The following ZNF280C variants were observed in gnomAD, a reference collection of about 807,000 sequenced individuals.
ZNF280C encodes the protein zinc finger protein 280C.
A neutral mutation model predicts 53.6 loss-of-function variants in ZNF280C; 14 were observed. That is an observed-to-expected ratio of 0.26 (90% confidence interval 0.17 to 0.41). The LOEUF (loss-of-function observed/expected upper bound fraction) is 0.41, where lower values mean the gene tolerates loss of function less well. ZNF280C is among the 10% of genes least tolerant of loss of function. ZNF280C has a pLI of 1.00. For synonymous variants in ZNF280C, 203 were observed against 181.1 expected, an observed-to-expected ratio of 1.12 and a Z score of -0.97; for missense variants, 416 against 547.1, an observed-to-expected ratio of 0.76 and a Z score of 2.39.
intron 1 of ZNF280C, among the ~76,000 whole-genome samples, chrX:130,262,993 A>T (rs1197367803): frequency 8.9e-6 from 1 of 112,719 alleles, no homozygotes; most frequent in African/African-American, 3.2e-5. Flanking sequence ...ACAATAAAAA[A>T]ACATTTAAAT....
At position 130,247,154 on chromosome X, in the gene ZNF280C, C is replaced by T. The variant is rs2032458828; in HGVS notation, c.32-149G>A. On this transcript the variant is annotated intron_variant, in intron 2 of 18. Coordinates refer to ENST00000370978, the MANE Select transcript of ZNF280C (RefSeq NM_017666.5). ...TGTTTGTTTTTGTGACAGAGTTTTG[C>T]TTTTGTTGCCCAGGCGTGATCTCGG... 1.1e-5 allele frequency: 7 copies of T among 612,718 alleles called. 1 individual carries two copies. Among genetic ancestry groups the T allele is most frequent in the Non-Finnish European group, 1.7e-5 (7 of 416,328 alleles). The allele number at this position is 612,718 out of a possible 1,213,427, so 50.5% of individuals were successfully genotyped here.
At chrX:130,234,013 A>G (rs2032306518) in intron 8 of ZNF280C, among the ~76,000 whole-genome samples, 1 of 111,785 alleles carries the variant, frequency 8.9e-6, no homozygotes, top group African/African-American at 3.2e-5. Context: ...AGCATAACAA[A>G]GCATTGTGAC....
chrX:130,247,500 C>T (rs929667963), intron 2 of ZNF280C, among the ~76,000 whole-genome samples: 1 of 111,744 alleles, frequency 8.9e-6, no homozygotes, highest in Non-Finnish European at 1.9e-5. Context: ...GCGGCCATCT[C>T]TGCCTTGTAA....
chrX:130,213,790 A>T, intron 15 of ZNF280C, among the ~76,000 whole-genome samples: 1 of 111,985 alleles, frequency 8.9e-6, no homozygotes, highest in Admixed American at 9.5e-5. Flanking sequence ...CTAAAGAAGT[A>T]AAGGTATCAT....
chrX:130,205,232 G>A (rs1274857096), intron 17 of ZNF280C, 65 bp downstream of exon 17: 14 of 1,096,836 alleles, frequency 1.3e-5, no homozygotes, highest in South Asian at 1.2e-4. Context: ...GGTCCATATG[G>A]TGTCCGATCA....
At chrX:130,228,535 G>A (rs1460310108) in intron 10 of ZNF280C, among the ~76,000 whole-genome samples, 3 of 109,922 alleles carry the variant, frequency 2.7e-5, no homozygotes, top group Non-Finnish European at 5.7e-5. Context: ...AACCCACCTC[G>A]GCTTCCCAGA....
At chrX:130,210,281 A>T (rs762432214) in intron 15 of ZNF280C, among the ~76,000 whole-genome samples, 1 of 112,329 alleles carries the variant, frequency 8.9e-6, no homozygotes, top group Admixed American at 9.5e-5. Flanking sequence ...TTCTAATGAC[A>T]TATTTCCCTG....
chrX:130,229,221 A>T, intron 9 of ZNF280C, 87 bp from the exon 10 acceptor site: 1 of 932,147 alleles, frequency 1.1e-6, no homozygotes, highest in South Asian at 2.8e-5. Context: ...ATAAATTTTT[A>T]AAATGTAATT....
intron 14 of ZNF280C, among the ~76,000 whole-genome samples, 159 bp downstream of exon 14, chrX:130,215,632 G>C (rs2032092669): frequency 8.9e-6 from 1 of 112,191 alleles, no homozygotes; most frequent in African/African-American, 3.2e-5. Flanking sequence ...AATGACTCAA[G>C]TTCTGCTCAG....
intron 1 of ZNF280C, among the ~76,000 whole-genome samples, chrX:130,265,377 C>T (rs1043145795): frequency 4.5e-5 from 5 of 111,759 alleles, no homozygotes; most frequent in African/African-American, 1.3e-4. Context: ...TAGGCATACG[C>T]TTTTATTATA....
rs147610425 is a variant in ZNF280C, at chrX:130,266,473, T to C, written c.-17+2289A>G. ...TAATACTAATAATGTATTGTATATT[T>C]CAAAATTGCTAAAATAATTTCTAAC... On this transcript the variant is annotated intron_variant, in intron 1 of 18. Transcript: ENST00000370978. 7.7e-3 allele frequency among the ~76,000 whole-genome samples: 866 copies of C among 112,109 alleles called. 5 individuals carry two copies. Among genetic ancestry groups the C allele is most frequent in the Middle Eastern group, 0.018 (4 of 218 alleles).
chrX:130,259,756 G>A (rs1448469787), intron 2 of ZNF280C, among the ~76,000 whole-genome samples: 5 of 111,688 alleles, frequency 4.5e-5, no homozygotes, highest in Admixed American at 9.5e-5. Context: ...ACTTTGGGAG[G>A]CCGATGTGGG....
chrX:130,235,901 A>C (rs1414688446), intron 8 of ZNF280C, among the ~76,000 whole-genome samples: 3 of 111,888 alleles, frequency 2.7e-5, no homozygotes, highest in African/African-American at 9.7e-5. Flanking sequence ...TACCTCTATG[A>C]GATCAACTTT....
At position 130,205,166 on chromosome X, in the gene ZNF280C, G is replaced by A; in HGVS notation, c.2162-13C>T. 7.5e-6 allele frequency: 9 copies of A among 1,195,583 alleles called. No individual in the cohort carries two copies. The highest frequency in any genetic ancestry group is 1.0e-5 in the Non-Finnish European group (9 of 884,596). On this transcript the variant is annotated splice_polypyrimidine_tract_variant and intron_variant, in intron 17 of 18. Transcript: ENST00000370978. The stretch of plus-strand genomic sequence containing the variant: ...GTACTTTTGGAAACTGAAATCAAAA[G>A]AGTTTTACATTTACAATAGCATATA...
At chrX:130,229,515 C>T (rs1387113996) in intron 9 of ZNF280C, among the ~76,000 whole-genome samples, 2 of 111,897 alleles carry the variant, frequency 1.8e-5, no homozygotes, top group Non-Finnish European at 3.8e-5. Flanking sequence ...ACTCTACCAC[C>T]AAAAGCAGCT....
intron 2 of ZNF280C, among the ~76,000 whole-genome samples, chrX:130,256,630 C>T (rs937191608): frequency 2.6e-4 from 29 of 110,296 alleles, no homozygotes; most frequent in African/African-American, 8.6e-4. Context: ...CGGTAGCTCA[C>T]GACCTTAATC....
intron 12 of ZNF280C, among the ~76,000 whole-genome samples, chrX:130,220,732 C>T (rs41302144): frequency 0.017 from 1,834 of 110,954 alleles, 18 homozygotes; most frequent in Non-Finnish European, 0.025. Flanking sequence ...AAGTTCTATA[C>T]TGATTATAGA....
At chrX:130,237,872 G>C (rs975603599) in intron 6 of ZNF280C, among the ~76,000 whole-genome samples, 6 of 111,532 alleles carry the variant, frequency 5.4e-5, no homozygotes, top group African/African-American at 1.3e-4. Context: ...CAACCAATGA[G>C]TGCTAGTACT....
In ZNF280C at chrX:130,246,805, C is replaced by T; in HGVS notation, c.178+54G>A. The T allele has an allele frequency of 3.4e-6, 4 of 1,169,965 alleles. No homozygotes were observed. The East Asian group carries it at 8.9e-5, about 26-fold the overall frequency. On this transcript the variant is annotated intron_variant, in intron 3 of 18. Transcript: ENST00000370978. ...GAAGGACAGATATCTCATATATTTT[C>T]CATTAGAAACAACCATCTTATGAAA...
Sources: gnomAD v4.1 joint callset for allele counts (sites outside exome capture counted in the v4.1 genomes callset) on GRCh38, gnomAD v4.1.1 for gene constraint, MANE v1.5 for transcripts, NCBI Gene and HGNC (gene_info 2026-07-23, HGNC 2026-07-21) for gene names.